ADGRA2: variants seen among roughly 807,000 people sequenced by gnomAD.
ADGRA2 encodes adhesion G protein-coupled receptor A2.
A neutral mutation model predicts 98.7 loss-of-function variants in ADGRA2; 61 were observed. That is an observed-to-expected ratio of 0.62 (90% CI 0.50 to 0.76). The LOEUF is 0.76. Among genes scored for constraint, ADGRA2 ranks in the 30% least tolerant of loss-of-function variants. The probability of loss-of-function intolerance (pLI) is 0.00; values close to 1 mark genes in which losing one functional copy is unlikely to be tolerated. For synonymous variants in ADGRA2, 858 were observed against 831.5 expected, an observed-to-expected ratio of 1.03 and a Z score of -0.55; for missense variants, 1,712 against 1,860.0, an observed-to-expected ratio of 0.92 and a Z score of 1.46.
chr8:37,841,163 A>G lies in ADGRA2; in HGVS notation c.2825A>G (p.Tyr942Cys), dbSNP rs760624362. 5.0e-6 allele frequency: 8 copies of G among 1,612,530 alleles called. No homozygotes were observed. Among genetic ancestry groups the G allele is most frequent in the Non-Finnish European group, 6.8e-6 (8 of 1,179,936 alleles). The change falls in exon 19 of 19, where the codon TAT becomes TGT. Residue 942 changes from tyrosine to cysteine, a missense_variant. By Grantham distance (194) the Tyr-to-Cys change is radical (BLOSUM62 -2). Coordinates refer to ENST00000412232, the MANE Select transcript of ADGRA2 (RefSeq NM_032777.10). This position sits in a 1 kb window ranked among gnomAD's most constrained non-coding sequence, Gnocchi z 5.0. ...VALILLITWI[Y>C]FLCAGLRLRG... The stretch of plus-strand genomic sequence containing the variant: ...TTGATTCTGCTCATCACCTGGATCT[A>G]TTTCCTGTGCGCCGGGCTACGCTTA...
Position 37,814,989 on chromosome 8 carries a change from G to A in ADGRA2, c.338+22G>A, listed in dbSNP as rs746556393. ...AGCTGTAAGTGCTGGGGAAGGTGAG[G>A]TGGAGGAGGGGGGTGGCCGTGATGG... On this transcript the variant is annotated intron_variant, in intron 2 of 18. Transcript: ENST00000412232. The surrounding 1 kb of genome is among the most constrained non-coding windows in gnomAD (Gnocchi z 4.3). 5.8e-6 allele frequency: 9 copies of A among 1,560,466 alleles called. No homozygotes were observed. The highest frequency in any genetic ancestry group is 1.4e-5 in the African/African-American group (1 of 73,888).
At chr8:37,838,624 G>A (rs1486496801) in intron 14 of ADGRA2, among the ~76,000 whole-genome samples, 3 of 152,090 alleles carry the variant, frequency 2.0e-5, no homozygotes, top group Admixed American at 6.6e-5. Flanking sequence ...CCCCTCCCTC[G>A]TGGCACGTGG....
intron 1 of ADGRA2, among the ~76,000 whole-genome samples, chr8:37,809,930 C>G (rs931321460): frequency 6.6e-6 from 1 of 152,100 alleles, no homozygotes; most frequent in African/African-American, 2.4e-5. Flanking sequence ...GGGCCAGAGG[C>G]TTGTCCTTGC....
chr8:37,827,520 C>A (rs1250674097), intron 2 of ADGRA2, among the ~76,000 whole-genome samples: 2 of 152,264 alleles, frequency 1.3e-5, no homozygotes, highest in Admixed American at 1.3e-4. Context: ...AGACTCAGGG[C>A]TGGAAGGCTG....
intron 8 of ADGRA2, 86 bp from the exon 9 acceptor site, chr8:37,832,924 G>A: frequency 9.6e-7 from 1 of 1,042,504 alleles, no homozygotes; most frequent in Non-Finnish European, 1.5e-6. Flanking sequence ...GCCCCAAGGA[G>A]TCCGGCCTCA....
chr8:37,821,233 C>T (rs1257671345), intron 2 of ADGRA2, among the ~76,000 whole-genome samples: 1 of 152,186 alleles, frequency 6.6e-6, no homozygotes. Flanking sequence ...CCTCTCCCAG[C>T]CCTGGGTTAC....
rs376398915 is a variant in ADGRA2, at chr8:37,834,039, C to A, written c.1519C>A (p.Arg507Ser). 3.1e-6 allele frequency: 5 copies of A among 1,612,838 alleles called. No homozygotes were observed. Among genetic ancestry groups the A allele is most frequent in the Non-Finnish European group, 4.2e-6 (5 of 1,179,946 alleles). The change falls in exon 11 of 19, where the codon CGC (arginine) becomes AGC (serine). Residue 507 changes from arginine (R) to serine (S), a missense_variant. Physicochemically the swap from Arg to Ser is moderately radical, Grantham distance 110. Coordinates refer to ENST00000412232, the MANE Select transcript of ADGRA2 (RefSeq NM_032777.10). The surrounding 1 kb of genome is among the most constrained non-coding windows in gnomAD (Gnocchi z 4.2). ...CGAGCACCTGCTGTGGCTGGCCCAG[C>A]GCGAGGACAAGGCCTGCAGCCGCAT... ...VDEHLLWLAQREDKACSRIVG... is the reference protein window; with the variant it reads ...VDEHLLWLAQSEDKACSRIVG...
chr8:37,811,572 G>T (rs1585972575), intron 1 of ADGRA2, among the ~76,000 whole-genome samples: 1 of 148,044 alleles, frequency 6.8e-6, no homozygotes, highest in Admixed American at 6.7e-5. Context: ...CGCCTCCCAG[G>T]TTCAAGTGAT....
At chr8:37,828,770 G>T in intron 2 of ADGRA2, 118 bp from the exon 3 acceptor site, 2 of 734,432 alleles carry the variant, frequency 2.7e-6, no homozygotes. Context: ...GGTTTAGCAG[G>T]AAGTCAAGTC....
intron 2 of ADGRA2, among the ~76,000 whole-genome samples, chr8:37,821,711 G>A (rs759090134): frequency 4.0e-5 from 6 of 151,670 alleles, no homozygotes; most frequent in Non-Finnish European, 8.8e-5. Context: ...ACGGCTAAAG[G>A]AAAGAGTCTG....
intron 1 of ADGRA2, among the ~76,000 whole-genome samples, chr8:37,799,410 G>T (rs1022554510): frequency 8.6e-5 from 13 of 151,996 alleles, no homozygotes; most frequent in African/African-American, 2.9e-4. Context: ...GCTGAGAGCT[G>T]TGCGTGCATG....
chr8:37,797,487 C>T lies in ADGRA2; in HGVS notation c.219C>T (p.Leu73=), dbSNP rs745993378. The change falls in exon 1 of 19, where the codon CTC becomes CTT. Residue 73 remains leucine (L), a synonymous_variant. Transcript: ENST00000412232. The surrounding 1 kb of genome is among the most constrained non-coding windows in gnomAD (Gnocchi z 5.3). ...RRRVVCSGGD[L]PEPPEPGLLP... ...GGGTGGTGTGCAGCGGCGGGGACCT[C>T]CCGGAGCCTCCCGAGCCCGGCCTTC... The T allele has an allele frequency of 2.8e-6, 4 of 1,407,498 alleles. No homozygotes were observed. The highest frequency in any genetic ancestry group is 2.8e-5 in the East Asian group (1 of 35,672). 87.2% of individuals were successfully genotyped at this position (1,407,498 alleles called of 1,614,324 possible). A position where few individuals can be genotyped will look rare whatever the true frequency, so the allele number is the denominator to read the frequency against.
chr8:37,839,264 T>C (rs1432612667), intron 15 of ADGRA2, 181 bp downstream of exon 15: 3 of 593,686 alleles, frequency 5.1e-6, no homozygotes, highest in South Asian at 1.5e-4. Flanking sequence ...CACTGAGGAC[T>C]TGGCAGGGGT....
In ADGRA2 at chr8:37,826,483, A is replaced by G. The variant is rs537718086; in HGVS notation, c.339-2405A>G. Among the ~76,000 whole-genome samples, 48 of 152,234 alleles carry G rather than the reference A, an allele frequency of 3.2e-4. No individual in the cohort carries two copies. In the South Asian group the frequency reaches 5.0e-3, roughly 16 times the overall value. On this transcript the variant is annotated intron_variant, in intron 2 of 18. Coordinates refer to ENST00000412232, the MANE Select transcript of ADGRA2 (RefSeq NM_032777.10). ...CACCTCCCAGCACACCCCAGCATGG[A>G]AGCCATCCCTCCTCTAGGGAACTGG... is the stretch of plus-strand genomic sequence containing the variant.
At chr8:37,839,731 G>A in intron 16 of ADGRA2, 109 bp downstream of exon 16, 1 of 1,360,532 alleles carries the variant, frequency 7.4e-7, no homozygotes, top group Non-Finnish European at 1.0e-6. Context: ...CATAGGCCGT[G>A]GCTCCATGGC....
At chr8:37,820,082 C>T (rs1805090108) in intron 2 of ADGRA2, among the ~76,000 whole-genome samples, 1 of 152,194 alleles carries the variant, frequency 6.6e-6, no homozygotes, top group Non-Finnish European at 1.5e-5. Context: ...ACGCTGCAGT[C>T]TTGGGGCAGA....
chr8:37,844,367 C>A lies in ADGRA2; in HGVS notation c.*2012C>A. ...CCAGGGTCCAACTAATGGCAGAGCC[C>A]CTCTTGGTTCCTTCAAACAAGAAAA... is the stretch of plus-strand genomic sequence containing the variant. On this transcript the variant is annotated 3_prime_UTR_variant, in exon 19 of 19. Transcript: ENST00000412232. 7.6e-7 allele frequency: 1 copy of A among 1,309,424 alleles called. No homozygotes were observed. Among genetic ancestry groups the A allele is most frequent in the Admixed American group, 2.2e-5 (1 of 46,166 alleles). The allele number at this position is 1,309,424 out of a possible 1,614,324, so 81.1% of individuals were successfully genotyped here.
intron 1 of ADGRA2, among the ~76,000 whole-genome samples, chr8:37,801,146 C>T (rs1200088627): frequency 2.0e-5 from 3 of 152,198 alleles, no homozygotes; most frequent in African/African-American, 7.2e-5. Context: ...GCCCTCCCGC[C>T]ACCTCCACCC....
intron 1 of ADGRA2, among the ~76,000 whole-genome samples, chr8:37,808,423 AC>A (rs1804739187): frequency 6.6e-6 from 1 of 151,886 alleles, no homozygotes; most frequent in African/African-American, 2.4e-5. Flanking sequence ...GCCGAGGCTG[AC>A]CCTATGTCTG....
Sources: gnomAD v4.1 joint callset for allele counts (sites outside exome capture counted in the v4.1 genomes callset) on GRCh38, gnomAD v4.1.1 for gene constraint, Gnocchi (gnomAD v3.1) non-coding constraint, MANE v1.5 for transcripts, NCBI Gene and HGNC (gene_info 2026-07-23, HGNC 2026-07-21) for gene names.